STK32B: variants seen among roughly 807,000 people sequenced by gnomAD.
STK32B encodes the protein serine/threonine kinase 32B, also known as serine/threonine-protein kinase 32B.
In STK32B, 43 loss-of-function variants were observed where a neutral mutation model predicts 52.6. The observed-to-expected ratio is 0.82, with a 90% CI of 0.64 to 1.05. STK32B has a LOEUF of 1.05. STK32B is among the 50% of genes least tolerant of loss of function. STK32B has a pLI of 0.00. For synonymous variants in STK32B, 238 were observed against 204.3 expected (o/e 1.17, Z -1.41); for missense variants, 621 against 534.6 (o/e 1.16, Z -1.59).
intron 11 of STK32B, among the ~76,000 whole-genome samples, chr4:5,491,304 T>C (rs1224069816): frequency 2.0e-5 from 3 of 152,246 alleles, no homozygotes; most frequent in Non-Finnish European, 2.9e-5. Flanking sequence ...ATTGTGGTTT[T>C]GATTTGCATT....
chr4:5,363,148 G>A lies in STK32B; in HGVS notation c.434+31755G>A, dbSNP rs147398991. On this transcript the variant is annotated intron_variant, in intron 4 of 11. Coordinates refer to ENST00000282908, the MANE Select transcript of STK32B (RefSeq NM_018401.3). ...CAATATATCCCCAAAGCCTAACACG[G>A]TGCCTATCAGGAATGTTTAAAGGGT... 8.1e-4 allele frequency among the ~76,000 whole-genome samples: 123 copies of A among 152,250 alleles called. 1 individual carries two copies. In the East Asian group the frequency reaches 0.019, roughly 23 times the overall value.
intron 3 of STK32B, among the ~76,000 whole-genome samples, chr4:5,328,532 C>T (rs972297608): frequency 1.3e-4 from 20 of 152,292 alleles, no homozygotes; most frequent in African/African-American, 4.8e-4. Context: ...GTCAGTGGAG[C>T]ATGAGAACAC....
chr4:5,247,701 G>T (rs1165273324), intron 3 of STK32B, among the ~76,000 whole-genome samples: 4 of 152,102 alleles, frequency 2.6e-5, no homozygotes, highest in African/African-American at 9.7e-5. Context: ...GTTCCTATTT[G>T]GCCATCTTGG....
At chr4:5,180,643 G>T (rs1320691821) in intron 3 of STK32B, among the ~76,000 whole-genome samples, 1 of 152,156 alleles carries the variant, frequency 6.6e-6, no homozygotes, top group East Asian at 1.9e-4. Context: ...GGAATTGCCT[G>T]TTGGGGTCAT....
chr4:5,235,080 T>C (rs570020303), intron 3 of STK32B, among the ~76,000 whole-genome samples: 2 of 152,322 alleles, frequency 1.3e-5, no homozygotes, highest in South Asian at 4.1e-4. Context: ...GTCTTGCCAT[T>C]GAGTGGGAAA....
chr4:5,254,689 A>C (rs1333326035), intron 3 of STK32B, among the ~76,000 whole-genome samples: 1 of 152,128 alleles, frequency 6.6e-6, no homozygotes, highest in Non-Finnish European at 1.5e-5. Flanking sequence ...TTTCTTATTG[A>C]GTTCCAGCTT....
intron 9 of STK32B, among the ~76,000 whole-genome samples, chr4:5,463,656 C>T (rs1412768565): frequency 3.9e-5 from 6 of 152,164 alleles, no homozygotes; most frequent in Non-Finnish European, 8.8e-5. Flanking sequence ...CAAACACACA[C>T]ACACACAAGC....
At chr4:5,305,664 TTA>T (rs1729880310) in intron 3 of STK32B, among the ~76,000 whole-genome samples, 1 of 152,090 alleles carries the variant, frequency 6.6e-6, no homozygotes, top group African/African-American at 2.4e-5. Flanking sequence ...TTAGTTTCAT[TTA>T]TCTTTTATAT....
At chr4:5,450,529 A>C (rs1715891944) in intron 7 of STK32B, among the ~76,000 whole-genome samples, 1 of 152,202 alleles carries the variant, frequency 6.6e-6, no homozygotes, top group South Asian at 2.1e-4. Flanking sequence ...CCCCTTACTC[A>C]GTCGAAAGCT....
At chr4:5,490,463 G>A (rs535240151) in intron 11 of STK32B, among the ~76,000 whole-genome samples, 1 of 152,072 alleles carries the variant, frequency 6.6e-6, no homozygotes, top group East Asian at 1.9e-4. Flanking sequence ...AGTTTGACTA[G>A]GTTGCCAATA....
intron 3 of STK32B, among the ~76,000 whole-genome samples, chr4:5,207,246 C>T (rs1317160231): frequency 1.3e-5 from 2 of 152,164 alleles, no homozygotes; most frequent in Admixed American, 1.3e-4. Context: ...GTGTCCCTAC[C>T]CAAATCTCAT....
rs1189213284 is a variant in STK32B, at chr4:5,398,780, A to G, written c.472+536A>G. Among the ~76,000 whole-genome samples, 1 of 151,860 alleles carries G rather than the reference A, an allele frequency of 6.6e-6. No individual in the cohort carries two copies. Among genetic ancestry groups the G allele is most frequent in the Non-Finnish European group, 1.5e-5 (1 of 68,022 alleles). Reference sequence around the variant, plus strand: ...TTATGTGCACACAGATCTCCTAGGCATCTTCTCAAACTGATTTAGTAAGTC... The same window carrying G: ...TTATGTGCACACAGATCTCCTAGGCGTCTTCTCAAACTGATTTAGTAAGTC... On this transcript the variant is annotated intron_variant, in intron 5 of 11. Coordinates refer to ENST00000282908, the MANE Select transcript of STK32B (RefSeq NM_018401.3). The surrounding 1 kb of genome is among the most constrained non-coding windows in gnomAD (Gnocchi z 4.9).
At chr4:5,485,402 C>T (rs984197301) in intron 11 of STK32B, among the ~76,000 whole-genome samples, 15 of 152,204 alleles carry the variant, frequency 9.9e-5, no homozygotes, top group East Asian at 1.9e-4. Context: ...CTTGTGCATT[C>T]GTCATGTAGT....
At position 5,183,889 on chromosome 4, in the gene STK32B, T is replaced by C. The variant is rs530771893; in HGVS notation, c.260+15439T>C. 1.1e-4 allele frequency among the ~76,000 whole-genome samples: 16 copies of C among 152,304 alleles called. No individual in the cohort carries two copies. The South Asian group carries it at 3.3e-3, about 32-fold the overall frequency. On this transcript the variant is annotated intron_variant, in intron 3 of 11. Transcript: ENST00000282908. ...GCTTCCTCACCTCTTTCAGCCTTCA[T>C]AAAATTGAAGAGAGTTGGGAACTTG...
intron 5 of STK32B, among the ~76,000 whole-genome samples, chr4:5,402,938 C>T (rs375955977): frequency 1.3e-5 from 2 of 152,220 alleles, no homozygotes; most frequent in South Asian, 2.1e-4. Flanking sequence ...GAGGTACACA[C>T]TCATTTCTTG....
At chr4:5,306,944 T>C (rs191599513) in intron 3 of STK32B, among the ~76,000 whole-genome samples, 1 of 152,292 alleles carries the variant, frequency 6.6e-6, no homozygotes, top group East Asian at 1.9e-4. Flanking sequence ...CTGTTTTGTT[T>C]AAGGAGGCTA....
chr4:5,122,890 C>G (rs1484132457), intron 1 of STK32B, among the ~76,000 whole-genome samples: 11 of 152,148 alleles, frequency 7.2e-5, no homozygotes, highest in Admixed American at 7.2e-4. Context: ...GCCTGAGTCC[C>G]TTCTCCACCT....
At chr4:5,078,733 G>T (rs939512602) in intron 1 of STK32B, among the ~76,000 whole-genome samples, 1 of 152,154 alleles carries the variant, frequency 6.6e-6, no homozygotes, top group Non-Finnish European at 1.5e-5. Context: ...GAGTTTCCCT[G>T]CCTGGCCTTG....
chr4:5,221,848 CTG>C (rs1294994160), intron 3 of STK32B, among the ~76,000 whole-genome samples: 1 of 71,238 alleles, frequency 1.4e-5, no homozygotes, highest in Non-Finnish European at 2.6e-5. Context: ...GAGCAAGACT[CTG>C]TCTCAAAAAA....
Sources: gnomAD v4.1 joint callset for allele counts (sites outside exome capture counted in the v4.1 genomes callset) on GRCh38, gnomAD v4.1.1 for gene constraint, Gnocchi (gnomAD v3.1) non-coding constraint, MANE v1.5 for transcripts, NCBI Gene and HGNC (gene_info 2026-07-23, HGNC 2026-07-21) for gene names.